Variants in LPP observed in about 807,000 individuals in gnomAD.
The protein encoded by LPP is LIM domain containing preferred translocation partner in lipoma, also known as lipoma-preferred partner.
Under a neutral mutation model 60.4 loss-of-function variants are expected in LPP, and 38 were observed. The ratio of observed to expected loss-of-function variants is 0.63; its 90% CI spans 0.49 to 0.83. The LOEUF (loss-of-function observed/expected upper bound fraction) is 0.83, where lower values mean the gene tolerates loss of function less well. Among genes scored for constraint, LPP ranks in the 40% least tolerant of loss-of-function variants. The pLI is 0.00. For synonymous variants in LPP, 328 were observed against 290.8 expected, an observed-to-expected ratio of 1.13 and a Z score of -1.30; for missense variants, 902 against 783.6, an observed-to-expected ratio of 1.15 and a Z score of -1.80.
chr3:188,877,495 C>G lies in LPP; in HGVS notation c.*3016C>G, dbSNP rs1031015754. On this transcript the variant is annotated 3_prime_UTR_variant, in exon 12 of 12. Transcript: ENST00000617246. The stretch of plus-strand genomic sequence containing the variant: ...AATAGGATTTCTTAAATTTTTCAAC[C>G]CCCAGACCATACTGACTCAACATGG... 5.4e-6 allele frequency: 1 copy of G among 186,814 alleles called. No individual in the cohort carries two copies. Among genetic ancestry groups the G allele is most frequent in the Non-Finnish European group, 1.1e-5 (1 of 88,528 alleles). The allele number at this position is 186,814 out of a possible 1,614,324, so 11.6% of individuals were successfully genotyped here.
At chr3:188,309,636 A>G (rs2150246922) in intron 2 of LPP, among the ~76,000 whole-genome samples, 1 of 139,810 alleles carries the variant, frequency 7.2e-6, no homozygotes, top group East Asian at 2.7e-4. Context: ...AAATTGAGCA[A>G]TCTCCTTCAT....
chr3:188,175,824 G>C (rs1722894283), intron 1 of LPP, among the ~76,000 whole-genome samples: 1 of 151,954 alleles, frequency 6.6e-6, no homozygotes, highest in African/African-American at 2.4e-5. Flanking sequence ...TCATAGTTGG[G>C]CTTTTTTGTA....
intron 8 of LPP, among the ~76,000 whole-genome samples, chr3:188,753,910 G>A (rs547845495): frequency 2.6e-5 from 4 of 152,194 alleles, no homozygotes; most frequent in Admixed American, 6.6e-5. Context: ...ATATACACAA[G>A]CACAGTGACA....
At chr3:188,322,953 C>T (rs143062504) in intron 2 of LPP, among the ~76,000 whole-genome samples, 5 of 152,248 alleles carry the variant, frequency 3.3e-5, no homozygotes, top group African/African-American at 1.2e-4. Flanking sequence ...GACCAATAGT[C>T]ATCTTCCATC....
chr3:188,269,653 G>A (rs1226299288), intron 2 of LPP, among the ~76,000 whole-genome samples: 17 of 150,054 alleles, frequency 1.1e-4, no homozygotes, highest in South Asian at 2.1e-4. Context: ...TTATGTGTGT[G>A]TGTGTGTGTG....
chr3:188,558,609 A>G (rs150980991), intron 6 of LPP, among the ~76,000 whole-genome samples: 37 of 152,212 alleles, frequency 2.4e-4, no homozygotes, highest in African/African-American at 8.2e-4. Context: ...GGGTTAGGCA[A>G]TCAACAAATG....
chr3:188,231,166 C>T (rs996301546), intron 2 of LPP, among the ~76,000 whole-genome samples: 13 of 152,116 alleles, frequency 8.5e-5, no homozygotes, highest in Non-Finnish European at 1.3e-4. Flanking sequence ...ATTCTCTTTA[C>T]GAGAAGCGAG....
chr3:188,375,691 T>G (rs57950504), intron 3 of LPP, among the ~76,000 whole-genome samples: 1,701 of 152,326 alleles, frequency 0.011, 29 homozygotes, highest in African/African-American at 0.037. Flanking sequence ...AGGGTTTTTT[T>G]GTGTCTCTAT....
chr3:188,577,743 TTG>T (rs1834987291), intron 6 of LPP, among the ~76,000 whole-genome samples: 1 of 83,468 alleles, frequency 1.2e-5, no homozygotes, highest in Non-Finnish European at 2.9e-5. Context: ...CTTCCTTCCT[TTG>T]TTCCTTCGTT....
chr3:188,500,104 T>TC (rs1318024178), intron 5 of LPP, among the ~76,000 whole-genome samples: 1 of 152,144 alleles, frequency 6.6e-6, no homozygotes, highest in African/African-American at 2.4e-5. Flanking sequence ...TATTTTTTTT[T>TC]CTTCCCTGAT....
intron 7 of LPP, among the ~76,000 whole-genome samples, chr3:188,650,445 A>G (rs1297775029): frequency 6.6e-6 from 1 of 152,160 alleles, no homozygotes; most frequent in Non-Finnish European, 1.5e-5. Context: ...ATATCATGAG[A>G]CATTGTTTCT....
chr3:188,341,898 T>G (rs774469668), intron 3 of LPP, among the ~76,000 whole-genome samples, 179 bp downstream of exon 3: 1 of 152,232 alleles, frequency 6.6e-6, no homozygotes, highest in Non-Finnish European at 1.5e-5. Flanking sequence ...TTTTTTGATT[T>G]ATTTTTTTCC....
chr3:188,634,524 G>A (rs907959248), intron 7 of LPP, among the ~76,000 whole-genome samples: 1 of 152,208 alleles, frequency 6.6e-6, no homozygotes, highest in African/African-American at 2.4e-5. Context: ...TCAGTGGCGG[G>A]CAAGTGGGCG....
At chr3:188,753,521 T>C (rs538303803) in intron 8 of LPP, among the ~76,000 whole-genome samples, 24 of 152,052 alleles carry the variant, frequency 1.6e-4, no homozygotes, top group Non-Finnish European at 2.5e-4. Context: ...CCCAGGCCTT[T>C]ATCCACTCAT....
chr3:188,711,685 G>C (rs965590157), intron 8 of LPP: 9 of 152,176 alleles, frequency 5.9e-5, no homozygotes, highest in Non-Finnish European at 1.0e-4. Flanking sequence ...AGGTGGTGGT[G>C]GGGGTAGATG....
At chr3:188,317,228 T>G (rs1755336991) in intron 2 of LPP, among the ~76,000 whole-genome samples, 1 of 150,908 alleles carries the variant, frequency 6.6e-6, no homozygotes, top group Non-Finnish European at 1.5e-5. Flanking sequence ...AAACTTTTTT[T>G]TTTAAGTTTT....
intron 1 of LPP, among the ~76,000 whole-genome samples, chr3:188,154,713 C>T (rs1715665329): frequency 6.6e-6 from 1 of 152,194 alleles, no homozygotes; most frequent in South Asian, 2.1e-4. Context: ...ATAGTTGGCT[C>T]CGGACTTAAG....
chr3:188,429,376 A>C (rs944000992), intron 4 of LPP, among the ~76,000 whole-genome samples: 12 of 152,186 alleles, frequency 7.9e-5, no homozygotes, highest in African/African-American at 2.9e-4. Flanking sequence ...AAAAACAAAG[A>C]CAAAGCCAAA....
intron 7 of LPP, among the ~76,000 whole-genome samples, chr3:188,678,133 A>T (rs1239688402): frequency 6.6e-6 from 1 of 152,086 alleles, no homozygotes. Context: ...AACTCTTAAC[A>T]CATTGCTTTA....
Sources: allele counts gnomAD v4.1 joint callset (sites outside exome capture counted in the v4.1 genomes callset), GRCh38; gene constraint gnomAD v4.1.1; transcripts MANE v1.5; gene names NCBI Gene and HGNC (gene_info 2026-07-23, HGNC 2026-07-21).